CDK5RAP2: variants seen among roughly 807,000 people sequenced by gnomAD.
CDK5RAP2 encodes the protein CDK5 regulatory subunit-associated protein 2.
In CDK5RAP2, 147 loss-of-function variants were observed where a neutral mutation model predicts 232.9. That is an observed-to-expected ratio of 0.63 (90% CI 0.55 to 0.72). The LOEUF (loss-of-function observed/expected upper bound fraction) is 0.72, where lower values mean the gene tolerates loss of function less well. Ranked by LOEUF, CDK5RAP2 falls within the 30% of genes least tolerant of loss-of-function variation. The pLI, the probability that CDK5RAP2 is intolerant of heterozygous loss-of-function variation, is 0.00. For synonymous variants in CDK5RAP2, 833 were observed against 833.7 expected (o/e 1.00, Z 0.01); for missense variants, 2,195 against 2,231.5 (o/e 0.98, Z 0.33).
intron 12 of CDK5RAP2, among the ~76,000 whole-genome samples, chr9:120,511,905 T>G (rs2040108695): frequency 6.6e-6 from 1 of 152,008 alleles, no homozygotes; most frequent in African/African-American, 2.4e-5. Context: ...ACCCAGCTAA[T>G]TTTTGTATTT....
chr9:120,428,373 G>C (rs1400009134), intron 25 of CDK5RAP2, among the ~76,000 whole-genome samples: 1 of 151,774 alleles, frequency 6.6e-6, no homozygotes, highest in Non-Finnish European at 1.5e-5. Context: ...GACTAATAAA[G>C]AAAAAAAGAG....
At position 120,437,904 on chromosome 9, in the gene CDK5RAP2, T is replaced by C. The variant is rs550989850; in HGVS notation, c.3723-377A>G. On this transcript the variant is annotated intron_variant, in intron 24 of 37. Transcript: ENST00000349780. ...TTCTCATGAAGTGTGATAAAGAAAG[T>C]GTACCACAAAGAAAAAAAGACAGGA... is the stretch of plus-strand genomic sequence containing the variant. Among the ~76,000 whole-genome samples the C allele has an allele frequency of 5.3e-5, 8 of 152,248 alleles. No individual in the cohort carries two copies. In the East Asian group the frequency reaches 1.5e-3, roughly 29 times the overall value.
At position 120,453,569 on chromosome 9, in the gene CDK5RAP2, A is replaced by T; in HGVS notation, c.2680T>A (p.Trp894Arg). Residue 894 changes from tryptophan (W) to arginine (R), a missense_variant, in exon 21 of 38, where the codon TGG becomes AGG. By Grantham distance (101) the Trp-to-Arg change is moderately radical. Coordinates refer to ENST00000349780, the MANE Select transcript of CDK5RAP2 (RefSeq NM_018249.6). Reference sequence around the variant, plus strand: ...GCAGTGTTGATCGGTTTCTCTTCCCAAGCCTCTCTTGTTGCTTCATGCTTG... The same window carrying T: ...GCAGTGTTGATCGGTTTCTCTTCCCTAGCCTCTCTTGTTGCTTCATGCTTG... ...RFKHEATREA[W>R]EEKPINTALS... 1 of 1,614,098 alleles carries T rather than the reference A, an allele frequency of 6.2e-7. No homozygotes were observed. Among genetic ancestry groups the T allele is most frequent in the Non-Finnish European group, 8.5e-7 (1 of 1,180,016 alleles).
At chr9:120,456,849 A>G (rs1710858398) in intron 20 of CDK5RAP2, among the ~76,000 whole-genome samples, 1 of 152,224 alleles carries the variant, frequency 6.6e-6, no homozygotes, top group South Asian at 2.1e-4. Context: ...CCATTATAAT[A>G]TACTAAAGTG....
intron 3 of CDK5RAP2, among the ~76,000 whole-genome samples, chr9:120,555,381 G>T (rs1330132366): frequency 6.6e-6 from 1 of 151,358 alleles, no homozygotes; most frequent in South Asian, 2.1e-4. Context: ...CAAGTGATCC[G>T]CCCGCCTTGG....
intron 11 of CDK5RAP2, among the ~76,000 whole-genome samples, chr9:120,519,067 C>T (rs933656150): frequency 6.6e-5 from 10 of 151,136 alleles, no homozygotes; most frequent in African/African-American, 1.9e-4. Context: ...CCCAGCTACT[C>T]GGGAAGGCTG....
intron 25 of CDK5RAP2, among the ~76,000 whole-genome samples, chr9:120,431,323 C>G (rs1009413940): frequency 6.6e-6 from 1 of 152,058 alleles, no homozygotes; most frequent in Non-Finnish European, 1.5e-5. Flanking sequence ...GTGAAAAGCA[C>G]GATATCATGG....
At chr9:120,568,525 G>A in intron 2 of CDK5RAP2, 137 bp from the exon 3 acceptor site, 1 of 752,380 alleles carries the variant, frequency 1.3e-6, no homozygotes, top group Non-Finnish European at 2.4e-6. Flanking sequence ...TGTCTTTTGT[G>A]ATTTACTGAT....
chr9:120,389,344 G>A (rs2031701458), intron 37 of CDK5RAP2, 52 bp from the exon 38 acceptor site: 14 of 1,434,584 alleles, frequency 9.8e-6, no homozygotes, highest in Non-Finnish European at 1.4e-5. Context: ...GGAGGTTTCT[G>A]AAGTAAGACC....
At chr9:120,420,037 AC>A (rs2034475006) in intron 26 of CDK5RAP2, 77 bp from the exon 27 acceptor site, 1 of 1,176,412 alleles carries the variant, frequency 8.5e-7, no homozygotes, top group Non-Finnish European at 1.3e-6. Flanking sequence ...ACGAATACTT[AC>A]GATTACTTTA....
chr9:120,437,505 G>A lies in CDK5RAP2; in HGVS notation c.3745C>T (p.Gln1249Ter). The A allele has an allele frequency of 1.2e-6, 2 of 1,613,578 alleles. No homozygotes were observed. Among genetic ancestry groups the A allele is most frequent in the Non-Finnish European group, 8.5e-7 (1 of 1,179,506 alleles). ...CGTTGAAGGGAGAGCTCCCTGGCTTGGGACTGAACTAATGAATCGTATCTG... is the reference window on the plus strand; with the variant it reads ...CGTTGAAGGGAGAGCTCCCTGGCTTAGGACTGAACTAATGAATCGTATCTG... ...PPRYDSLVQS[Q>*]ARELSLQRQQ... The change falls in exon 25 of 38, where the codon CAA becomes TAA. Residue 1249 changes from glutamine to a stop codon, truncating the protein, a stop_gained. Coordinates refer to ENST00000349780, the MANE Select transcript of CDK5RAP2 (RefSeq NM_018249.6). LOFTEE classifies it high-confidence loss of function.
At chr9:120,505,547 G>A (rs1227013303) in intron 12 of CDK5RAP2, among the ~76,000 whole-genome samples, 1 of 152,236 alleles carries the variant, frequency 6.6e-6, no homozygotes, top group Admixed American at 6.5e-5. Context: ...ATTAAGCTTA[G>A]TGAGGAAGGC....
At chr9:120,489,901 G>A (rs540646972) in intron 13 of CDK5RAP2, among the ~76,000 whole-genome samples, 2 of 151,322 alleles carry the variant, frequency 1.3e-5, no homozygotes, top group Non-Finnish European at 2.9e-5. Flanking sequence ...TCTGCCTCCC[G>A]GGTTCAAGCG....
Position 120,458,555 on chromosome 9 carries a change from G to T in CDK5RAP2, c.2270C>A (p.Ser757Ter), listed in dbSNP as rs768926303. ...AGGTGCGTGGGCCCCATCACAATCTGAAATCTTAGACTCCGTGTGCCTTAA... is the reference window on the plus strand; with the variant it reads ...AGGTGCGTGGGCCCCATCACAATCTTAAATCTTAGACTCCGTGTGCCTTAA... The part of the protein sequence containing the change: ...GYLRHTESKI[S>*]DCDGAHAPGC... The change falls in exon 20 of 38, where the codon TCA becomes TAA. Residue 757 changes from serine to a stop codon, truncating the protein, a stop_gained. Coordinates refer to ENST00000349780, the MANE Select transcript of CDK5RAP2 (RefSeq NM_018249.6). LOFTEE classifies it high-confidence loss of function. 6.2e-7 allele frequency: 1 copy of T among 1,614,100 alleles called. No individual in the cohort carries two copies. The highest frequency in any genetic ancestry group is 2.2e-5 in the East Asian group (1 of 44,876).
chr9:120,486,522 G>C (rs2038612587), intron 14 of CDK5RAP2, among the ~76,000 whole-genome samples: 2 of 151,924 alleles, frequency 1.3e-5, no homozygotes, highest in African/African-American at 4.8e-5. Flanking sequence ...ACACAGCCAG[G>C]CAACAGGCTG....
chr9:120,409,577 T>TC lies in CDK5RAP2; in HGVS notation c.4415-262dup, dbSNP rs201243638. 7.4e-3 allele frequency among the ~76,000 whole-genome samples: 1,135 copies of TC among 152,356 alleles called. 7 individuals carry two copies. Among genetic ancestry groups the TC allele is most frequent in the Middle Eastern group, 0.017 (5 of 294 alleles). On this transcript the variant is annotated intron_variant, in intron 29 of 37. Transcript: ENST00000349780. ...CCATGCAAACCTAGTTACTTTGCCT[T>TC]CACAGAGCAAACAGTGGGTAGGAAG...
rs1000986888 is a variant in CDK5RAP2 at position 120,508,354 on chromosome 9, C to G, written c.1311+10073G>C. Among the ~76,000 whole-genome samples, 6 of 152,122 alleles carry G rather than the reference C, an allele frequency of 3.9e-5. No homozygotes were observed. The South Asian group carries it at 1.0e-3, about 26-fold the overall frequency. On this transcript the variant is annotated intron_variant, in intron 12 of 37. Transcript: ENST00000349780. ...GTGGAGGTGGGTGCCAGGCCTCCTA[C>G]CTCACTTCACCCTGAGCAGCTCCAC...
rs117426360 is a variant in CDK5RAP2, at chr9:120,535,055, T to C, written c.662+1317A>G. 3.2e-4 allele frequency among the ~76,000 whole-genome samples: 49 copies of C among 152,288 alleles called. No homozygotes were observed. In the East Asian group the frequency reaches 9.1e-3, roughly 28 times the overall value. ...ATGAAGTCAAGAAAAACACAAGGTG[T>C]CAAATGGGTAAACTGAGATGATATA... On this transcript the variant is annotated intron_variant, in intron 7 of 37. Transcript: ENST00000349780.
At chr9:120,458,739 G>T in intron 19 of CDK5RAP2, 117 bp from the exon 20 acceptor site, 1 of 902,922 alleles carries the variant, frequency 1.1e-6, no homozygotes, top group Non-Finnish European at 1.8e-6. Flanking sequence ...GACACACTGA[G>T]CCAGAGAGAA....
Sources: gnomAD v4.1 joint callset for allele counts (sites outside exome capture counted in the v4.1 genomes callset) on GRCh38, gnomAD v4.1.1 for gene constraint, MANE v1.5 for transcripts, NCBI Gene and HGNC (gene_info 2026-07-23, HGNC 2026-07-21) for gene names.